Variants in ZFPM2 observed in about 807,000 individuals in gnomAD.
ZFPM2 encodes the protein zinc finger protein ZFPM2.
ZFPM2 carries 20 observed loss-of-function variants against 98.6 expected under a neutral mutation model. That is an observed-to-expected ratio of 0.20 (90% CI 0.14 to 0.29). ZFPM2 has a LOEUF of 0.29. ZFPM2 is among the 10% of genes least tolerant of loss of function. The pLI is 1.00. For missense variants in ZFPM2, 1,310 were observed against 1,388.6 expected (o/e 0.94, Z 0.90); for synonymous variants, 518 against 502.7 (o/e 1.03, Z -0.41).
intron 4 of ZFPM2, among the ~76,000 whole-genome samples, chr8:105,615,876 T>C (rs1280617709): frequency 6.6e-6 from 1 of 152,122 alleles, no homozygotes; most frequent in Non-Finnish European, 1.5e-5. Flanking sequence ...AGAAAATATG[T>C]ATAACTAGCG....
intron 3 of ZFPM2, among the ~76,000 whole-genome samples, chr8:105,559,801 A>C (rs928396850): frequency 5.9e-5 from 9 of 152,162 alleles, no homozygotes; most frequent in Non-Finnish European, 1.0e-4. Flanking sequence ...TTGAAAAAAA[A>C]CTCAAGATTG....
Position 105,536,376 on chromosome 8 carries a change from G to A in ZFPM2, c.302-24987G>A, listed in dbSNP as rs114063422. Among the ~76,000 whole-genome samples the A allele has an allele frequency of 3.5e-3, 526 of 151,946 alleles. 4 individuals carry two copies. The highest frequency in any genetic ancestry group is 0.012 in the African/African-American group (495 of 41,468). On this transcript the variant is annotated intron_variant, in intron 3 of 7. Coordinates refer to ENST00000407775, the MANE Select transcript of ZFPM2 (RefSeq NM_012082.4). ...ACTCGTATTTAAGTAAATTTTTAAT[G>A]TTCTTTGCTAAGTTTCTTTTCCCCT...
intron 5 of ZFPM2, among the ~76,000 whole-genome samples, chr8:105,756,248 G>GA (rs1812594493): frequency 6.6e-6 from 1 of 152,146 alleles, no homozygotes; most frequent in South Asian, 2.1e-4. Context: ...TAGCCCTTTT[G>GA]AAAATGTGCT....
intron 5 of ZFPM2, among the ~76,000 whole-genome samples, chr8:105,764,116 T>G (rs1812799604): frequency 6.6e-6 from 1 of 151,778 alleles, no homozygotes; most frequent in Non-Finnish European, 1.5e-5. Flanking sequence ...TTGGTAAGTA[T>G]CCAGGACTCT....
At chr8:105,351,281 A>C (rs1318131976) in intron 1 of ZFPM2, among the ~76,000 whole-genome samples, 1 of 152,066 alleles carries the variant, frequency 6.6e-6, no homozygotes, top group East Asian at 1.9e-4. Context: ...TACCTAATAC[A>C]ATGTAAATAC....
At chr8:105,386,206 C>G (rs1440227282) in intron 1 of ZFPM2, among the ~76,000 whole-genome samples, 1 of 151,988 alleles carries the variant, frequency 6.6e-6, no homozygotes, top group African/African-American at 2.4e-5. Flanking sequence ...AGAGCCCAAC[C>G]GAAAGTAGGG....
At chr8:105,378,182 C>T (rs147548006) in intron 1 of ZFPM2, among the ~76,000 whole-genome samples, 214 of 152,200 alleles carry the variant, frequency 1.4e-3, no homozygotes, top group Admixed American at 3.3e-3. Flanking sequence ...GGAAGGTGAG[C>T]TGCAGAAGAC....
chr8:105,406,921 C>T (rs1811471469), intron 1 of ZFPM2, among the ~76,000 whole-genome samples: 1 of 151,866 alleles, frequency 6.6e-6, no homozygotes, highest in South Asian at 2.1e-4. Context: ...TAAAACTCTT[C>T]CATACGTTTT....
chr8:105,332,154 T>C (rs539210674), intron 1 of ZFPM2, among the ~76,000 whole-genome samples: 120 of 151,910 alleles, frequency 7.9e-4, no homozygotes, highest in Non-Finnish European at 1.1e-3. Flanking sequence ...TATGGCTGGC[T>C]TCTCATTCAC....
intron 1 of ZFPM2, among the ~76,000 whole-genome samples, chr8:105,393,381 T>TCTTTCTTTCTTTCTTTCTTTCTTAC (rs1554600714): frequency 7.7e-6 from 1 of 130,678 alleles, no homozygotes; most frequent in African/African-American, 2.9e-5. Context: ...TTTCTTTCTT[T>TCTTTCTTTCTTTCTTTCTTTCTTAC]CTTTCTTTCT....
intron 3 of ZFPM2, among the ~76,000 whole-genome samples, chr8:105,479,174 G>T (rs560670002): frequency 5.9e-5 from 9 of 152,126 alleles, no homozygotes; most frequent in Non-Finnish European, 1.3e-4. Flanking sequence ...TTGACCCAAT[G>T]CTACGATATT....
At position 105,332,779 on chromosome 8, in the gene ZFPM2, G is replaced by A. The variant is rs567724843; in HGVS notation, c.40+13798G>A. Among the ~76,000 whole-genome samples, 7 of 151,776 alleles carry A rather than the reference G, an allele frequency of 4.6e-5. No homozygotes were observed. The East Asian group carries it at 9.7e-4, about 21-fold the overall frequency. On this transcript the variant is annotated intron_variant, in intron 1 of 7. Transcript: ENST00000407775. ...TATTGAAGGAGGAGTGGGAGATGTA[G>A]TCATGACAAGAGGGAATTGTATCCT...
intron 3 of ZFPM2, among the ~76,000 whole-genome samples, chr8:105,452,794 A>G (rs949255338): frequency 1.9e-4 from 29 of 152,020 alleles, no homozygotes; most frequent in African/African-American, 7.0e-4. Context: ...ACAAACAAAC[A>G]AAATCCAAAA....
chr8:105,542,627 G>C (rs1814602745), intron 3 of ZFPM2, among the ~76,000 whole-genome samples: 1 of 152,150 alleles, frequency 6.6e-6, no homozygotes, highest in South Asian at 2.1e-4. Flanking sequence ...AGGTTCTTCA[G>C]GGTCTACTGT....
At chr8:105,766,035 G>C (rs537532998) in intron 5 of ZFPM2, among the ~76,000 whole-genome samples, 3 of 151,946 alleles carry the variant, frequency 2.0e-5, no homozygotes, top group South Asian at 4.1e-4. Flanking sequence ...ACTATACTCT[G>C]TTATGTGGTT....
In ZFPM2 at chr8:105,561,370, G is replaced by T; in HGVS notation, c.309G>T (p.Leu103=). The T allele has an allele frequency of 1.2e-6, 2 of 1,613,118 alleles. No homozygotes were observed. Among genetic ancestry groups the T allele is most frequent in the Non-Finnish European group, 1.7e-6 (2 of 1,179,332 alleles). The change falls in exon 4 of 8, where the codon CTG becomes CTT. Residue 103 remains leucine (L), a synonymous_variant. Transcript: ENST00000407775. ...ETDDWDGPGE[L]EVFQKDGERK... is the part of the protein sequence containing the mutation. Reference sequence around the variant, plus strand: ...CTGTTCCTTTGTCTGCAGGAGAGCTGGAGGTGTTTCAGAAAGATGGGGAAC... The same window carrying T: ...CTGTTCCTTTGTCTGCAGGAGAGCTTGAGGTGTTTCAGAAAGATGGGGAAC...
At chr8:105,705,222 G>A (rs1193316204) in intron 5 of ZFPM2, among the ~76,000 whole-genome samples, 1 of 151,894 alleles carries the variant, frequency 6.6e-6, no homozygotes, top group Non-Finnish European at 1.5e-5. Flanking sequence ...TTAATGTAGT[G>A]TATATTTAGG....
intron 1 of ZFPM2, among the ~76,000 whole-genome samples, chr8:105,369,026 A>G (rs1476331740): frequency 6.6e-6 from 1 of 152,158 alleles, no homozygotes; most frequent in African/African-American, 2.4e-5. Flanking sequence ...CCCAGAAGAT[A>G]TTTTAGCCAG....
At chr8:105,591,083 C>A (rs556232057) in intron 4 of ZFPM2, among the ~76,000 whole-genome samples, 18 of 151,988 alleles carry the variant, frequency 1.2e-4, no homozygotes, top group Admixed American at 2.0e-4. Context: ...CACTAAAGCT[C>A]GGAGCCTTAG....
Sources: gnomAD v4.1 joint callset for allele counts (sites outside exome capture counted in the v4.1 genomes callset) on GRCh38, gnomAD v4.1.1 for gene constraint, MANE v1.5 for transcripts, NCBI Gene and HGNC (gene_info 2026-07-23, HGNC 2026-07-21) for gene names.